The following AMPH variants were observed in gnomAD, a reference collection of about 807,000 sequenced individuals.
AMPH encodes amphiphysin, also known as amphiphysin (Stiff-Mann syndrome with breast cancer 128kD autoantigen).
A neutral mutation model predicts 99.1 loss-of-function variants in AMPH; 49 were observed. The ratio of observed to expected loss-of-function variants is 0.49; its 90% CI spans 0.39 to 0.63. The LOEUF is 0.63. Ranked by LOEUF, AMPH falls within the 20% of genes least tolerant of loss-of-function variation. The pLI is 0.00. For missense variants in AMPH, 759 were observed against 863.4 expected (o/e 0.88, Z 1.52); for synonymous variants, 314 against 317.3 (o/e 0.99, Z 0.11).
chr7:38,525,083 T>C (rs2129036233), intron 2 of AMPH, among the ~76,000 whole-genome samples: 1 of 152,020 alleles, frequency 6.6e-6, no homozygotes, highest in South Asian at 2.1e-4. Context: ...ATATTTTAAA[T>C]GAAGTTTCAA....
At chr7:38,489,762 C>G (rs943624939) in intron 5 of AMPH, among the ~76,000 whole-genome samples, 2 of 151,958 alleles carry the variant, frequency 1.3e-5, no homozygotes, top group African/African-American at 4.8e-5. Context: ...CTCAGAGAAG[C>G]AAAGAATACA....
At chr7:38,627,707 C>T (rs6978671) in intron 1 of AMPH, among the ~76,000 whole-genome samples, 113,496 of 147,984 alleles carry the variant, frequency 0.77, 44,529 homozygotes, top group Non-Finnish European at 0.82. Context: ...TATACTTTTA[C>T]ATATACATAT....
intron 1 of AMPH, among the ~76,000 whole-genome samples, chr7:38,603,198 C>G (rs1192380714): frequency 6.6e-6 from 1 of 151,776 alleles, no homozygotes; most frequent in Non-Finnish European, 1.5e-5. Flanking sequence ...CGCCTGTAAT[C>G]CCTACTACTC....
At chr7:38,444,101 C>A in intron 11 of AMPH, among the ~76,000 whole-genome samples, 1 of 152,096 alleles carries the variant, frequency 6.6e-6, no homozygotes, top group East Asian at 1.9e-4. Context: ...ATATAAAATA[C>A]TTATGGATAA....
intron 17 of AMPH, among the ~76,000 whole-genome samples, chr7:38,410,729 C>T (rs1322268168): frequency 6.6e-6 from 1 of 152,232 alleles, no homozygotes; most frequent in Admixed American, 6.5e-5. Flanking sequence ...CACTGGTTGA[C>T]CATGCAGTTA....
chr7:38,437,340 C>CT lies in AMPH; in HGVS notation c.1018-953dup, dbSNP rs1262091228. ...TGTGTTTAGCATTCAATATAAAATTCTTTTTAAAAAAACTTTGTTGCCTAG... is the reference window on the plus strand; with the variant it reads ...TGTGTTTAGCATTCAATATAAAATTCTTTTTTAAAAAAACTTTGTTGCCTAG... On this transcript the variant is annotated intron_variant, in intron 11 of 20. Transcript: ENST00000356264. 5.9e-4 allele frequency among the ~76,000 whole-genome samples: 90 copies of CT among 152,042 alleles called. 1 individual carries two copies. Among genetic ancestry groups the CT allele is most frequent in the Non-Finnish European group, 7.4e-5 (5 of 67,974 alleles).
chr7:38,422,363 T>C, intron 16 of AMPH, 58 bp downstream of exon 16: 1 of 1,402,116 alleles, frequency 7.1e-7, no homozygotes. Context: ...ATGATCAGCT[T>C]TAGAACATTC....
intron 1 of AMPH, among the ~76,000 whole-genome samples, chr7:38,536,647 T>A (rs1045713746): frequency 8.5e-5 from 13 of 152,178 alleles, no homozygotes; most frequent in African/African-American, 2.7e-4. Flanking sequence ...ATCACTCAAT[T>A]TCATTTCACA....
Position 38,384,605 on chromosome 7 carries a change from G to C in AMPH, c.*213C>G, listed in dbSNP as rs953766053. 8.4e-6 allele frequency: 4 copies of C among 474,420 alleles called. No individual in the cohort carries two copies. Among genetic ancestry groups the C allele is most frequent in the African/African-American group, 3.9e-5 (2 of 51,900 alleles). 29.4% of individuals were successfully genotyped at this position (474,420 alleles called of 1,614,324 possible). A position where few individuals can be genotyped will look rare whatever the true frequency, so the allele number is the denominator to read the frequency against. ...ACAAAGCACAAACAAACCTGTTATT[G>C]ACAACATGGGAATGAGTGAGGATTT... On this transcript the variant is annotated 3_prime_UTR_variant, in exon 21 of 21. Transcript: ENST00000356264.
chr7:38,461,205 T>C, intron 11 of AMPH, 78 bp downstream of exon 11: 1 of 1,554,796 alleles, frequency 6.4e-7, no homozygotes, highest in Non-Finnish European at 8.8e-7. Context: ...GAACCGCCAC[T>C]TTCTTTAGGG....
At chr7:38,611,778 G>C (rs1195341781) in intron 1 of AMPH, among the ~76,000 whole-genome samples, 1 of 152,188 alleles carries the variant, frequency 6.6e-6, no homozygotes, top group African/African-American at 2.4e-5. Flanking sequence ...AGTTCATCTT[G>C]CCTGCAGGTG....
chr7:38,486,227 C>T (rs1788487895), intron 5 of AMPH, among the ~76,000 whole-genome samples: 1 of 147,436 alleles, frequency 6.8e-6, no homozygotes. Context: ...AGAAGACTCA[C>T]ATAAATAAAA....
intron 2 of AMPH, among the ~76,000 whole-genome samples, chr7:38,530,367 T>C (rs1336260569): frequency 6.6e-6 from 1 of 152,192 alleles, no homozygotes; most frequent in Non-Finnish European, 1.5e-5. Flanking sequence ...TGGTTCATAT[T>C]ACACAAAAGT....
At chr7:38,542,776 C>T (rs913485619) in intron 1 of AMPH, among the ~76,000 whole-genome samples, 2 of 151,684 alleles carry the variant, frequency 1.3e-5, no homozygotes, top group Non-Finnish European at 2.9e-5. Flanking sequence ...AGCAACATGG[C>T]GAGACCTCAT....
At chr7:38,442,733 T>C (rs546660390) in intron 11 of AMPH, among the ~76,000 whole-genome samples, 1 of 151,840 alleles carries the variant, frequency 6.6e-6, no homozygotes, top group South Asian at 2.1e-4. Context: ...AACTCCCATA[T>C]AAGAAAACAA....
intron 2 of AMPH, among the ~76,000 whole-genome samples, chr7:38,509,948 C>T (rs1224831556): frequency 1.5e-5 from 2 of 129,456 alleles, no homozygotes; most frequent in Non-Finnish European, 3.3e-5. Context: ...AGAAAAACAA[C>T]TGCTGTGTCA....
At position 38,432,231 on chromosome 7, in the gene AMPH, A is replaced by G. The variant is rs772890349; in HGVS notation, c.1135-19T>C. On this transcript the variant is annotated intron_variant, in intron 12 of 20. Transcript: ENST00000356264. ...GCAATGTCTGAAAGCAAATAAACAA[A>G]AATACTGTTAGTTATACAAATCTAA... 23 of 1,606,818 alleles carry G rather than the reference A, an allele frequency of 1.4e-5. No individual in the cohort carries two copies. Among genetic ancestry groups the G allele is most frequent in the Non-Finnish European group, 2.0e-5 (23 of 1,173,520 alleles).
intron 5 of AMPH, among the ~76,000 whole-genome samples, chr7:38,490,764 AC>A (rs1390182595): frequency 6.6e-6 from 1 of 152,174 alleles, no homozygotes; most frequent in Non-Finnish European, 1.5e-5. Context: ...GAAGATTGGA[AC>A]TTTTGGTAGC....
intron 1 of AMPH, among the ~76,000 whole-genome samples, chr7:38,563,672 A>G (rs377116224): frequency 1.6e-4 from 24 of 152,348 alleles, no homozygotes; most frequent in African/African-American, 5.1e-4. Flanking sequence ...TTACTTTTAA[A>G]TGAATCATAT....
Sources: allele counts gnomAD v4.1 joint callset (sites outside exome capture counted in the v4.1 genomes callset), GRCh38; gene constraint gnomAD v4.1.1; transcripts MANE v1.5; gene names NCBI Gene and HGNC (gene_info 2026-07-23, HGNC 2026-07-21).